Variants in BCAS1 observed in about 807,000 individuals in gnomAD.
BCAS1 encodes breast carcinoma-amplified sequence 1.
A neutral mutation model predicts 65.4 loss-of-function variants in BCAS1; 46 were observed. That is an observed-to-expected ratio of 0.70 (90% CI 0.55 to 0.90). The LOEUF is 0.90. BCAS1 is among the 40% of genes least tolerant of loss of function. The pLI is 0.00. For synonymous variants in BCAS1, 298 were observed against 293.5 expected (o/e 1.02, Z -0.16); for missense variants, 793 against 771.2 (o/e 1.03, Z -0.33).
At chr20:54,056,207 G>A (rs575578377) in intron 3 of BCAS1, among the ~76,000 whole-genome samples, 1 of 152,134 alleles carries the variant, frequency 6.6e-6, no homozygotes, top group Admixed American at 6.6e-5. Context: ...GCTATGTATG[G>A]TGGTGGATGT....
intron 1 of BCAS1, among the ~76,000 whole-genome samples, chr20:54,064,522 C>T (rs2092412642): frequency 6.6e-6 from 1 of 152,210 alleles, no homozygotes; most frequent in Non-Finnish European, 1.5e-5. Flanking sequence ...TGTCCTGGGC[C>T]TCCAGCTTCC....
intron 3 of BCAS1, among the ~76,000 whole-genome samples, chr20:54,045,688 G>A (rs751528473): frequency 5.9e-5 from 9 of 152,148 alleles, no homozygotes; most frequent in Admixed American, 1.3e-4. Flanking sequence ...ATATAACTGG[G>A]TACCTTCCAA....
chr20:53,952,291 T>C (rs1377468246), intron 12 of BCAS1, among the ~76,000 whole-genome samples: 2 of 152,258 alleles, frequency 1.3e-5, no homozygotes, highest in African/African-American at 4.8e-5. Context: ...GATACAGCCT[T>C]GAACCTGAAA....
chr20:53,974,879 G>A (rs2090283267), intron 9 of BCAS1, among the ~76,000 whole-genome samples: 1 of 152,206 alleles, frequency 6.6e-6, no homozygotes, highest in Non-Finnish European at 1.5e-5. Flanking sequence ...GAGGCTCAAC[G>A]TCTCTATCTC....
chr20:53,956,661 C>CAAAAA (rs143693739), intron 11 of BCAS1, among the ~76,000 whole-genome samples: 1 of 131,182 alleles, frequency 7.6e-6, no homozygotes. Context: ...AGTCACACAG[C>CAAAAA]AAAAAAAAAA....
intron 4 of BCAS1, among the ~76,000 whole-genome samples, chr20:54,016,780 G>T (rs2091447301): frequency 6.6e-6 from 1 of 152,164 alleles, no homozygotes; most frequent in Non-Finnish European, 1.5e-5. Context: ...GGATAACACA[G>T]ATATAAAAAT....
intron 1 of BCAS1, among the ~76,000 whole-genome samples, chr20:54,066,392 C>T (rs1350146903): frequency 6.6e-6 from 1 of 152,092 alleles, no homozygotes; most frequent in Admixed American, 6.6e-5. Context: ...TTTTTATTGT[C>T]CCCATTTTAC....
At chr20:54,011,001 T>C (rs1326709841) in intron 4 of BCAS1, among the ~76,000 whole-genome samples, 1 of 152,142 alleles carries the variant, frequency 6.6e-6, no homozygotes, top group Admixed American at 6.5e-5. Flanking sequence ...TTTCAACAAA[T>C]TGTGCTAGAG....
At chr20:54,028,168 T>C (rs957832673) in intron 4 of BCAS1, among the ~76,000 whole-genome samples, 10 of 152,226 alleles carry the variant, frequency 6.6e-5, no homozygotes, top group African/African-American at 1.4e-4. Context: ...TCTTTTCTTT[T>C]ACATAAAACA....
At chr20:54,022,638 A>G (rs188895482) in intron 4 of BCAS1, among the ~76,000 whole-genome samples, 3 of 152,302 alleles carry the variant, frequency 2.0e-5, no homozygotes, top group Admixed American at 2.0e-4. Context: ...AACGCAGGTA[A>G]CTTAAGTTCT....
chr20:53,946,061 A>C (rs1307125648), intron 12 of BCAS1, among the ~76,000 whole-genome samples: 1 of 152,162 alleles, frequency 6.6e-6, no homozygotes, highest in Non-Finnish European at 1.5e-5. Context: ...GGTGTAAGCC[A>C]CTATGCCTAG....
chr20:54,051,081 T>C (rs917666100), intron 3 of BCAS1, among the ~76,000 whole-genome samples: 66 of 152,296 alleles, frequency 4.3e-4, no homozygotes, highest in Non-Finnish European at 9.1e-4. Context: ...TCCTTTCTTA[T>C]TGGTGGGAAA....
At chr20:53,968,386 G>T (rs905691425) in intron 9 of BCAS1, among the ~76,000 whole-genome samples, 4 of 152,128 alleles carry the variant, frequency 2.6e-5, no homozygotes, top group African/African-American at 9.7e-5. Context: ...TTGGTGTCAG[G>T]GGGTAGGGGA....
intron 9 of BCAS1, among the ~76,000 whole-genome samples, chr20:53,967,821 A>G (rs2145636379): frequency 6.6e-6 from 1 of 151,996 alleles, no homozygotes; most frequent in African/African-American, 2.4e-5. Context: ...GCAGTGCCTC[A>G]CTCCATTTGT....
At chr20:53,953,744 C>T in intron 11 of BCAS1, 49 bp from the exon 12 acceptor site, 1 of 1,570,098 alleles carries the variant, frequency 6.4e-7, no homozygotes, top group Non-Finnish European at 8.7e-7. Flanking sequence ...CAGGACAACT[C>T]TCAATAGCAA....
At chr20:54,060,478 AT>A (rs11478662) in intron 1 of BCAS1, among the ~76,000 whole-genome samples, 20,517 of 137,504 alleles carry the variant, frequency 0.15, 1,669 homozygotes, top group East Asian at 0.33. Flanking sequence ...ACACCAGACT[AT>A]TTTTTTTTTT....
Position 53,953,547 on chromosome 20 carries a change from G to T in BCAS1, c.1700C>A (p.Pro567Gln), listed in dbSNP as rs1380432358. 1 of 1,613,874 alleles carries T rather than the reference G, an allele frequency of 6.2e-7. No individual in the cohort carries two copies. ...CGTGGCCTGCTCTGTGCACTGGGCT[G>T]GTTCTTTGGCTTCCTGCTTGTTGCT... ...QKSNKQEAKE[P>Q]AQCTEQATVD... Residue 567 changes from proline (P) to glutamine (Q), a missense_variant, in exon 12 of 13, where the codon CCA becomes CAA. Coordinates refer to ENST00000688948, the MANE Select transcript of BCAS1 (RefSeq NM_001366298.2).
chr20:54,015,338 T>C (rs777132129), intron 4 of BCAS1, among the ~76,000 whole-genome samples: 1 of 151,404 alleles, frequency 6.6e-6, no homozygotes, highest in Non-Finnish European at 1.5e-5. Flanking sequence ...AAACTCTTTT[T>C]TTTTTTAAGT....
intron 8 of BCAS1, among the ~76,000 whole-genome samples, chr20:53,976,550 A>G (rs2090340181): frequency 6.6e-6 from 1 of 152,196 alleles, no homozygotes; most frequent in Non-Finnish European, 1.5e-5. Flanking sequence ...AATGGTAAGT[A>G]TTGTGATCCT....
Sources: allele counts gnomAD v4.1 joint callset (sites outside exome capture counted in the v4.1 genomes callset), GRCh38; gene constraint gnomAD v4.1.1; transcripts MANE v1.5; gene names NCBI Gene and HGNC (gene_info 2026-07-23, HGNC 2026-07-21).